The following SLC26A5 variants were observed in gnomAD, a reference collection of about 807,000 sequenced individuals.
The protein encoded by SLC26A5 is solute carrier family 26 member 5.
In SLC26A5, 51 loss-of-function variants were observed where a neutral mutation model predicts 81.0. The observed-to-expected ratio is 0.63, with a 90% CI of 0.50 to 0.80. The LOEUF (loss-of-function observed/expected upper bound fraction) is 0.80. Ranked by LOEUF, SLC26A5 falls within the 30% of genes least tolerant of loss-of-function variation. The pLI is 0.00. For synonymous variants in SLC26A5, 325 were observed against 332.8 expected, an observed-to-expected ratio of 0.98 and a Z score of 0.25; for missense variants, 771 against 905.8, an observed-to-expected ratio of 0.85 and a Z score of 1.91.
At chr7:103,424,714 AC>A (rs770132378) in intron 2 of SLC26A5, among the ~76,000 whole-genome samples, 1 of 152,110 alleles carries the variant, frequency 6.6e-6, no homozygotes, top group African/African-American at 2.4e-5. Context: ...TTTTCCTGTT[AC>A]CCCACAGGAG....
chr7:103,424,158 T>C (rs545177447), intron 2 of SLC26A5, among the ~76,000 whole-genome samples: 33 of 152,300 alleles, frequency 2.2e-4, no homozygotes, highest in Non-Finnish European at 4.6e-4. Flanking sequence ...AGAGATGTTG[T>C]TGCTTTCCCT....
chr7:103,366,177 G>A (rs750884968), intron 19 of SLC26A5: 65 of 1,586,652 alleles, frequency 4.1e-5, no homozygotes, highest in South Asian at 3.0e-4. Context: ...AGAATGATAC[G>A]TTAGAGAACT....
rs560414459 is a variant in SLC26A5 at position 103,361,402 on chromosome 7, C to T, written c.2042-8476G>A. ...GTGCATGCCTGTAATCCCAGCTACT[C>T]GGGAGGCTGAGGCAGGAGAATTGCA... On this transcript the variant is annotated intron_variant, in intron 19 of 19. Transcript: ENST00000339444. Among the ~76,000 whole-genome samples the T allele has an allele frequency of 1.7e-3, 239 of 138,898 alleles. 1 individual carries two copies. Among genetic ancestry groups the T allele is most frequent in the Admixed American group, 2.6e-3 (35 of 13,600 alleles). The allele number at this position is 138,898 out of a possible 152,430, so 91.1% of individuals were successfully genotyped here. A position where few individuals can be genotyped will look rare whatever the true frequency, so the allele number is the denominator to read the frequency against.
chr7:103,354,925 C>T lies in SLC26A5; in HGVS notation c.2042-1999G>A, dbSNP rs1819946952. On this transcript the variant is annotated intron_variant, in intron 19 of 19. Coordinates refer to the SLC26A5 transcript ENST00000339444. ...AGTTGAAGATGACATTCAGCAACTT[C>T]TCAAGAAAATTAATGAGCTCACTGG... 2.5e-6 allele frequency: 4 copies of T among 1,612,186 alleles called. No individual in the cohort carries two copies. The East Asian group carries it at 8.9e-5, about 36-fold the overall frequency.
chr7:103,391,556 A>G, intron 11 of SLC26A5, 66 bp downstream of exon 11: 1 of 1,341,152 alleles, frequency 7.5e-7, no homozygotes, highest in Non-Finnish European at 1.1e-6. Context: ...TTCAGAATAT[A>G]ATCAAAAGAT....
chr7:103,362,236 C>T (rs1454556050), intron 19 of SLC26A5: 3 of 1,442,196 alleles, frequency 2.1e-6, no homozygotes, highest in Non-Finnish European at 2.7e-6. Flanking sequence ...AAAATTCTGT[C>T]TTCTGCATCT....
At chr7:103,395,814 C>T (rs761051651) in intron 9 of SLC26A5, among the ~76,000 whole-genome samples, 10 of 151,754 alleles carry the variant, frequency 6.6e-5, no homozygotes, top group South Asian at 2.1e-4. Context: ...CCACCGTGCC[C>T]GGCCAATAAT....
At chr7:103,403,705 T>TTC (rs1251036942) in intron 8 of SLC26A5, among the ~76,000 whole-genome samples, 59 of 151,988 alleles carry the variant, frequency 3.9e-4, no homozygotes, top group African/African-American at 1.4e-3. Flanking sequence ...CTTTTTTTTT[T>TTC]TTTTTTGCTT....
intron 19 of SLC26A5, chr7:103,362,336 A>C (rs1017794161): frequency 6.6e-6 from 9 of 1,363,758 alleles, no homozygotes; most frequent in Non-Finnish European, 7.5e-6. Context: ...TGAGGTTACC[A>C]GTCCATTTAA....
intron 13 of SLC26A5, 44 bp from the exon 14 acceptor site, chr7:103,389,158 T>C: frequency 6.9e-7 from 1 of 1,453,560 alleles, no homozygotes; most frequent in Non-Finnish European, 9.7e-7. Context: ...ATGTTAAACA[T>C]CCCACAAGAG....
At chr7:103,398,046 G>A (rs1328824978) in intron 8 of SLC26A5, 32 bp from the exon 9 acceptor site, 7 of 1,539,792 alleles carry the variant, frequency 4.5e-6, no homozygotes, top group Non-Finnish European at 6.3e-6. Flanking sequence ...TGCACCTTTA[G>A]AGATGAATGT....
chr7:103,384,904 TC>T (rs774417205), intron 14 of SLC26A5, among the ~76,000 whole-genome samples: 4 of 152,176 alleles, frequency 2.6e-5, no homozygotes, highest in Non-Finnish European at 5.9e-5. Context: ...GTGTCTGTCA[TC>T]CTTAGGACAA....
At chr7:103,396,262 T>C (rs1249987217) in intron 9 of SLC26A5, among the ~76,000 whole-genome samples, 6 of 152,058 alleles carry the variant, frequency 3.9e-5, no homozygotes, top group Middle Eastern at 3.2e-3. Context: ...ATAACTACTA[T>C]GGGAAACAGT....
At chr7:103,424,893 TG>T (rs1825608847) in intron 2 of SLC26A5, among the ~76,000 whole-genome samples, 1 of 152,206 alleles carries the variant, frequency 6.6e-6, no homozygotes, top group African/African-American at 2.4e-5. Flanking sequence ...GGATTTCCAC[TG>T]GGTGAGGCCT....
intron 1 of SLC26A5, among the ~76,000 whole-genome samples, chr7:103,444,569 C>G (rs1048925495): frequency 6.6e-6 from 1 of 152,210 alleles, no homozygotes. Flanking sequence ...CTTAGCAAAG[C>G]GCCTCTATGC....
chr7:103,370,190 C>T (rs996635387), downstream of SLC26A5, among the ~76,000 whole-genome samples: 7 of 152,174 alleles, frequency 4.6e-5, no homozygotes, highest in South Asian at 2.1e-4. Flanking sequence ...CCTAAAGGCA[C>T]TCCTGAAAGG....
At chr7:103,410,635 T>C in intron 6 of SLC26A5, 86 bp from the exon 7 acceptor site, 1 of 1,307,988 alleles carries the variant, frequency 7.6e-7, no homozygotes, top group Admixed American at 2.0e-5. Context: ...AAGTTCTTTC[T>C]TGACCATTTT....
At chr7:103,421,601 C>A in intron 2 of SLC26A5, 34 bp from the exon 3 acceptor site, 1 of 1,415,642 alleles carries the variant, frequency 7.1e-7, no homozygotes. Flanking sequence ...ATTTTACTTG[C>A]CAAAATCCTA....
At chr7:103,386,096 T>G (rs76776251) in intron 14 of SLC26A5, among the ~76,000 whole-genome samples, 10,693 of 151,964 alleles carry the variant, frequency 0.07, 466 homozygotes, top group Admixed American at 0.13. Context: ...CCCAGCTATT[T>G]TTTTTTGTAT....
Sources: allele counts gnomAD v4.1 joint callset (sites outside exome capture counted in the v4.1 genomes callset), GRCh38; gene constraint gnomAD v4.1.1; transcripts MANE v1.5; gene names NCBI Gene and HGNC (gene_info 2026-07-23, HGNC 2026-07-21).